Variants in IL1RAPL1 observed in about 807,000 individuals in gnomAD.
IL1RAPL1 encodes the protein interleukin 1 receptor accessory protein like 1.
A neutral mutation model predicts 48.4 loss-of-function variants in IL1RAPL1; 3 were observed. That is an observed-to-expected ratio of 0.06 (90% confidence interval 0.03 to 0.16). The LOEUF is 0.16. Ranked by LOEUF, IL1RAPL1 falls within the 10% of genes least tolerant of loss-of-function variation. The pLI, the probability that IL1RAPL1 is intolerant of heterozygous loss-of-function variation, is 1.00. For missense variants in IL1RAPL1, 349 were observed against 530.6 expected, an observed-to-expected ratio of 0.66 and a Z score of 3.36; for synonymous variants, 185 against 187.7, an observed-to-expected ratio of 0.99 and a Z score of 0.12.
intron 6 of IL1RAPL1, among the ~76,000 whole-genome samples, chrX:29,777,010 T>G (rs1168395570): frequency 8.9e-6 from 1 of 111,933 alleles, no homozygotes; most frequent in African/African-American, 3.2e-5. Flanking sequence ...AATTGAGTCT[T>G]AAGGCTCAAG....
intron 3 of IL1RAPL1, among the ~76,000 whole-genome samples, chrX:29,393,913 T>C (rs1256808540): frequency 2.7e-5 from 3 of 111,039 alleles, no homozygotes; most frequent in African/African-American, 9.8e-5. Flanking sequence ...AATTAATAAA[T>C]AATGCATGAG....
At chrX:28,617,654 T>A (rs1934236952) in intron 1 of IL1RAPL1, among the ~76,000 whole-genome samples, 1 of 112,249 alleles carries the variant, frequency 8.9e-6, no homozygotes, top group South Asian at 3.7e-4. Context: ...TAACCAGATA[T>A]GGGATCTTAC....
At chrX:29,023,146 G>T (rs988455752) in intron 2 of IL1RAPL1, among the ~76,000 whole-genome samples, 5 of 112,233 alleles carry the variant, frequency 4.5e-5, no homozygotes, top group African/African-American at 1.3e-4. Flanking sequence ...TTATGTCCTT[G>T]TCAATATCAA....
chrX:29,022,434 A>G (rs1926392586), intron 2 of IL1RAPL1, among the ~76,000 whole-genome samples: 1 of 112,130 alleles, frequency 8.9e-6, no homozygotes, highest in African/African-American at 3.2e-5. Context: ...CTTCCATTCA[A>G]GTCATAATGT....
intron 6 of IL1RAPL1, among the ~76,000 whole-genome samples, chrX:29,890,091 G>C: frequency 9.0e-6 from 1 of 111,227 alleles, no homozygotes; most frequent in Non-Finnish European, 1.9e-5. Context: ...AAATAACTTT[G>C]TTTGTAGTAT....
rs1431864439 is a variant in IL1RAPL1, at chrX:29,780,657, C to T, written c.778+112153C>T. Among the ~76,000 whole-genome samples the T allele has an allele frequency of 2.7e-5, 3 of 111,343 alleles. No individual in the cohort carries two copies. The East Asian group carries it at 8.3e-4, about 31-fold the overall frequency. On this transcript the variant is annotated intron_variant, in intron 6 of 10. Coordinates refer to ENST00000378993, the MANE Select transcript of IL1RAPL1 (RefSeq NM_014271.4). ...ATAGCTGAGCTAATTAGGCTCAGAC[C>T]ATTAAAGATCTTATAACGGTTATAT...
chrX:29,615,046 T>TC (rs1924242850), intron 5 of IL1RAPL1, among the ~76,000 whole-genome samples: 1 of 112,035 alleles, frequency 8.9e-6, no homozygotes, highest in African/African-American at 3.2e-5. Flanking sequence ...TACATAGATG[T>TC]ATAGACATGT....
intron 2 of IL1RAPL1, among the ~76,000 whole-genome samples, chrX:29,240,222 ATATTTTTTTTTTTT>A (rs1931393766): frequency 5.7e-5 from 1 of 17,566 alleles, no homozygotes; most frequent in Admixed American, 9.9e-4. Flanking sequence ...ATATATATAT[ATATTTTTTTTTTTT>A]TTTTTTTTTT....
At chrX:28,846,821 A>G (rs1921521914) in intron 2 of IL1RAPL1, among the ~76,000 whole-genome samples, 1 of 111,980 alleles carries the variant, frequency 8.9e-6, no homozygotes, top group African/African-American at 3.2e-5. Context: ...TTGTCATGAG[A>G]TGCAGAAAAG....
chrX:29,508,877 T>A (rs1270691196), intron 5 of IL1RAPL1, among the ~76,000 whole-genome samples: 10 of 112,299 alleles, frequency 8.9e-5, no homozygotes, highest in African/African-American at 3.2e-4. Context: ...TCTTACCACT[T>A]TTTTATATGG....
chrX:29,799,602 A>C (rs1292877172), intron 6 of IL1RAPL1, among the ~76,000 whole-genome samples: 2 of 112,329 alleles, frequency 1.8e-5, no homozygotes, highest in Non-Finnish European at 3.8e-5. Context: ...TTAAATTTAA[A>C]ATAATAAAAA....
At chrX:29,068,505 A>C (rs1417543252) in intron 2 of IL1RAPL1, among the ~76,000 whole-genome samples, 4 of 112,637 alleles carry the variant, frequency 3.6e-5, no homozygotes, top group Non-Finnish European at 7.5e-5. Flanking sequence ...TATAGGGAAA[A>C]GCTTCAAAGA....
chrX:29,226,426 T>A (rs1239582879), intron 2 of IL1RAPL1, among the ~76,000 whole-genome samples: 1 of 103,505 alleles, frequency 9.7e-6, no homozygotes, highest in African/African-American at 3.5e-5. Flanking sequence ...GGTTGCTTCA[T>A]CATTTTTTTC....
rs1363097314 is a variant in IL1RAPL1 at position 28,700,533 on chromosome X, CT to C, written c.-24-88774del. Among the ~76,000 whole-genome samples, 757 of 100,123 alleles carry C rather than the reference CT, an allele frequency of 7.6e-3. 5 individuals are homozygous for C. The highest frequency in any genetic ancestry group is 0.022 in the African/African-American group (616 of 27,804). The allele number at this position is 100,123 out of a possible 115,157, so 86.9% of individuals were successfully genotyped here. The stretch of plus-strand genomic sequence containing the variant: ...TCAGTCTGTCTCTGGAACCTCTACT[CT>C]TTTTTTTTTTTTAATTTTACTTTAA... On this transcript the variant is annotated intron_variant, in intron 1 of 10. Transcript: ENST00000378993.
chrX:28,807,291 T>C (rs1296913911), intron 2 of IL1RAPL1, among the ~76,000 whole-genome samples: 1 of 111,401 alleles, frequency 9.0e-6, no homozygotes, highest in Non-Finnish European at 1.9e-5. Flanking sequence ...TAGTAAGCCT[T>C]TGATGGACTT....
chrX:29,306,525 C>CA (rs1932622388), intron 3 of IL1RAPL1, among the ~76,000 whole-genome samples: 1 of 9,347 alleles, frequency 1.1e-4, no homozygotes, highest in Non-Finnish European at 1.7e-4. Context: ...AAGACTCTGT[C>CA]AAAAGAAAAA....
At chrX:29,130,725 T>C (rs1172010247) in intron 2 of IL1RAPL1, among the ~76,000 whole-genome samples, 3 of 112,103 alleles carry the variant, frequency 2.7e-5, no homozygotes, top group African/African-American at 9.7e-5. Flanking sequence ...GTCCTTCCCC[T>C]ATCACTGGAG....
rs16988417 is a variant in IL1RAPL1 at position 29,045,332 on chromosome X, T to C, written c.83-237606T>C. Among the ~76,000 whole-genome samples, 179 of 112,566 alleles carry C rather than the reference T, an allele frequency of 1.6e-3. 1 individual carries two copies. Among genetic ancestry groups the C allele is most frequent in the African/African-American group, 5.5e-3 (172 of 31,033 alleles). On this transcript the variant is annotated intron_variant, in intron 2 of 10. Coordinates refer to ENST00000378993, the MANE Select transcript of IL1RAPL1 (RefSeq NM_014271.4). ...ATTTCACTATCGGCTTTCCAAAATA[T>C]GGTAACTAAATGAGTAAATGAAAAC...
At chrX:28,625,737 CGTGT>C (rs112613600) in intron 1 of IL1RAPL1, among the ~76,000 whole-genome samples, 1,537 of 99,254 alleles carry the variant, frequency 0.015, 26 homozygotes, top group African/African-American at 0.05. Context: ...AATCAAAATG[CGTGT>C]GTGTGTGTGT....
Sources: allele counts gnomAD v4.1 joint callset (sites outside exome capture counted in the v4.1 genomes callset), GRCh38; gene constraint gnomAD v4.1.1; transcripts MANE v1.5; gene names NCBI Gene and HGNC (gene_info 2026-07-23, HGNC 2026-07-21).